The following MTNR1A variants were observed in gnomAD, a reference collection of about 807,000 sequenced individuals.
The protein encoded by MTNR1A is melatonin receptor 1A.
In MTNR1A, 7 loss-of-function variants were observed where a neutral mutation model predicts 5.5. The ratio of observed to expected loss-of-function variants is 1.28; its 90% CI spans 0.73 to 2.40. The LOEUF is 2.40. Ranked by LOEUF, MTNR1A falls within the 30% of genes most tolerant of loss-of-function variation. MTNR1A has a pLI of 0.00. For synonymous variants in MTNR1A, 196 were observed against 202.7 expected, an observed-to-expected ratio of 0.97 and a Z score of 0.28; for missense variants, 441 against 464.4, an observed-to-expected ratio of 0.95 and a Z score of 0.46.
chr4:186,534,703 T>TC (rs1736805820), intron 1 of MTNR1A, 146 bp from the exon 2 acceptor site: 2 of 808,328 alleles, frequency 2.5e-6, no homozygotes, highest in South Asian at 3.0e-5. Context: ...GGAGGCCGTT[T>TC]CCCAGGAGGG....
Position 186,534,168 on chromosome 4 carries a change from C to T in MTNR1A, c.574G>A (p.Val192Met). Residue 192 changes from valine to methionine, a missense_variant, in exon 2 of 2, where the codon GTG becomes ATG. By Grantham distance (21) the Val-to-Met change is conservative. Coordinates refer to ENST00000307161, the MANE Select transcript of MTNR1A (RefSeq NM_005958.4). The stretch of plus-strand genomic sequence containing the variant: ...ATGGGGACGAGGAAGTGGAAAACCA[C>T]CACGGCGATGGTGTAGGCGGAGCTG... ...SVSSAYTIAV[V>M]VFHFLVPMII... 6.2e-7 allele frequency: 1 copy of T among 1,613,444 alleles called. No homozygotes were observed. The highest frequency in any genetic ancestry group is 8.5e-7 in the Non-Finnish European group (1 of 1,179,430).
intron 1 of MTNR1A, 129 bp from the exon 2 acceptor site, chr4:186,534,686 A>C: frequency 9.0e-7 from 1 of 1,113,946 alleles, no homozygotes; most frequent in Non-Finnish European, 1.3e-6. Flanking sequence ...CGCACTGCAA[A>C]TGAAGTGGAG....
At chr4:186,541,829 T>C (rs756335794) in intron 1 of MTNR1A, among the ~76,000 whole-genome samples, 2 of 152,118 alleles carry the variant, frequency 1.3e-5, no homozygotes, top group Non-Finnish European at 2.9e-5. Flanking sequence ...AACCAGTCCC[T>C]GGTGCCAAAA....
At chr4:186,551,135 G>A (rs1411486577) in intron 1 of MTNR1A, among the ~76,000 whole-genome samples, 3 of 152,196 alleles carry the variant, frequency 2.0e-5, no homozygotes, top group Non-Finnish European at 1.5e-5. Context: ...TACAGTACAA[G>A]TTACGTCGTA....
Position 186,538,448 on chromosome 4 carries a change from A to C in MTNR1A, c.185-3891T>G, listed in dbSNP as rs565262969. On this transcript the variant is annotated intron_variant, in intron 1 of 1. Coordinates refer to ENST00000307161, the MANE Select transcript of MTNR1A (RefSeq NM_005958.4). ...TGCCAGACGCCACCACAAGCTCGGC[A>C]CTCCGAGTCTCATCTGCTGCCCTGC... is the stretch of plus-strand genomic sequence containing the variant. Among the ~76,000 whole-genome samples the C allele has an allele frequency of 2.6e-5, 4 of 152,206 alleles. No homozygotes were observed. The South Asian group carries it at 8.3e-4, about 32-fold the overall frequency.
At chr4:186,542,933 C>T (rs550884335) in intron 1 of MTNR1A, among the ~76,000 whole-genome samples, 1 of 152,120 alleles carries the variant, frequency 6.6e-6, no homozygotes, top group Admixed American at 6.5e-5. Context: ...TCCATCTCTA[C>T]AAAAAATAAA....
At chr4:186,535,003 T>G (rs1179429754) in intron 1 of MTNR1A, among the ~76,000 whole-genome samples, 1 of 152,212 alleles carries the variant, frequency 6.6e-6, no homozygotes, top group Non-Finnish European at 1.5e-5. Flanking sequence ...GCTTCTGTTC[T>G]TGCTGATCCC....
At chr4:186,554,848 T>C (rs544505909) in intron 1 of MTNR1A, among the ~76,000 whole-genome samples, 5 of 152,188 alleles carry the variant, frequency 3.3e-5, no homozygotes, top group Non-Finnish European at 7.3e-5. Context: ...AATTGATCAG[T>C]TCGTTGCAGA....
chr4:186,534,939 A>G (rs1000882472), intron 1 of MTNR1A, among the ~76,000 whole-genome samples: 2 of 152,194 alleles, frequency 1.3e-5, no homozygotes, highest in Non-Finnish European at 2.9e-5. Context: ...AACTTCCTTA[A>G]GTTCAAGTCT....
intron 1 of MTNR1A, among the ~76,000 whole-genome samples, chr4:186,541,685 G>A (rs113552389): frequency 0.015 from 2,311 of 152,260 alleles, 48 homozygotes; most frequent in African/African-American, 0.053. Context: ...AAACCCTATC[G>A]TGAACTCCAT....
intron 1 of MTNR1A, among the ~76,000 whole-genome samples, 198 bp from the exon 2 acceptor site, chr4:186,534,755 C>T (rs1004385509): frequency 4.6e-5 from 7 of 152,166 alleles, no homozygotes; most frequent in Non-Finnish European, 7.3e-5. Context: ...CCGCTGTTCA[C>T]ACATTCCCAC....
At chr4:186,551,451 A>G (rs1737265998) in intron 1 of MTNR1A, among the ~76,000 whole-genome samples, 1 of 152,136 alleles carries the variant, frequency 6.6e-6, no homozygotes, top group African/African-American at 2.4e-5. Context: ...AATAAAAACA[A>G]TCTAAAAAGA....
chr4:186,550,365 A>C (rs1229706970), intron 1 of MTNR1A, among the ~76,000 whole-genome samples: 1 of 152,228 alleles, frequency 6.6e-6, no homozygotes, highest in African/African-American at 2.4e-5. Flanking sequence ...CCTTTTTAGA[A>C]GAAAGGGTAT....
At chr4:186,537,351 T>C (rs1013100471) in intron 1 of MTNR1A, among the ~76,000 whole-genome samples, 2 of 152,334 alleles carry the variant, frequency 1.3e-5, no homozygotes, top group Admixed American at 6.5e-5. Context: ...CATCTAATTA[T>C]AATTATACAC....
chr4:186,537,668 G>A (rs544387079), intron 1 of MTNR1A, among the ~76,000 whole-genome samples: 12 of 152,320 alleles, frequency 7.9e-5, no homozygotes, highest in African/African-American at 2.2e-4. Flanking sequence ...GAAGTCGTAC[G>A]ACTACTTAGT....
At chr4:186,550,959 G>A (rs1428667109) in intron 1 of MTNR1A, among the ~76,000 whole-genome samples, 1 of 152,148 alleles carries the variant, frequency 6.6e-6, no homozygotes, top group Non-Finnish European at 1.5e-5. Context: ...AGAATACAAG[G>A]GGGAAAAATC....
At chr4:186,543,802 C>T (rs991089412) in intron 1 of MTNR1A, among the ~76,000 whole-genome samples, 11 of 152,086 alleles carry the variant, frequency 7.2e-5, no homozygotes, top group African/African-American at 1.2e-4. Flanking sequence ...TTGATGTTTC[C>T]TTTATTTCGA....
At chr4:186,553,371 C>T (rs1164600230) in intron 1 of MTNR1A, among the ~76,000 whole-genome samples, 2 of 152,196 alleles carry the variant, frequency 1.3e-5, no homozygotes, top group East Asian at 1.9e-4. Flanking sequence ...CACTAAGGGT[C>T]TCCCATGCAG....
intron 1 of MTNR1A, among the ~76,000 whole-genome samples, chr4:186,546,624 A>G (rs529133323): frequency 5.9e-5 from 9 of 151,524 alleles, no homozygotes; most frequent in African/African-American, 1.5e-4. Flanking sequence ...TTCATACAAC[A>G]ACACACCATC....
Sources: allele counts gnomAD v4.1 joint callset (sites outside exome capture counted in the v4.1 genomes callset), GRCh38; gene constraint gnomAD v4.1.1; transcripts MANE v1.5; gene names NCBI Gene and HGNC (gene_info 2026-07-23, HGNC 2026-07-21).